The following DCHS2 variants were observed in gnomAD, a reference collection of about 807,000 sequenced individuals.
DCHS2 encodes the protein protocadherin-23.
DCHS2 carries 142 observed loss-of-function variants against 182.4 expected under a neutral mutation model. That is an observed-to-expected ratio of 0.78 (90% CI 0.68 to 0.89). The LOEUF (loss-of-function observed/expected upper bound fraction) is 0.89, where lower values mean the gene tolerates loss of function less well. Among genes scored for constraint, DCHS2 ranks in the 40% least tolerant of loss-of-function variants. DCHS2 has a pLI of 0.00. For synonymous variants in DCHS2, 1,740 were observed against 1,663.3 expected, an observed-to-expected ratio of 1.05 and a Z score of -1.12; for missense variants, 4,319 against 4,198.6, an observed-to-expected ratio of 1.03 and a Z score of -0.79.
chr4:154,452,139 T>G (rs1734561068), intron 1 of DCHS2, among the ~76,000 whole-genome samples: 1 of 152,230 alleles, frequency 6.6e-6, no homozygotes, highest in African/African-American at 2.4e-5. Context: ...CATCATGGGT[T>G]TGTGCCCATG....
At chr4:154,256,379 C>G (rs919085551) in intron 15 of DCHS2, among the ~76,000 whole-genome samples, 9 of 152,118 alleles carry the variant, frequency 5.9e-5, no homozygotes, top group African/African-American at 1.9e-4. Flanking sequence ...AAGCGATCCA[C>G]CTGCATCAGC....
At chr4:154,431,152 G>C (rs1192867074) in intron 1 of DCHS2, among the ~76,000 whole-genome samples, 1 of 152,098 alleles carries the variant, frequency 6.6e-6, no homozygotes, top group Non-Finnish European at 1.5e-5. Flanking sequence ...GATCAGTTTA[G>C]GGCAGCATTA....
intron 2 of DCHS2, chr4:154,373,999 T>C (rs781759746): frequency 3.2e-5 from 26 of 824,638 alleles, no homozygotes; most frequent in African/African-American, 1.5e-4. Flanking sequence ...GATATTTTAA[T>C]AGCAAAAAAA....
chr4:154,241,945 A>G (rs999691377), intron 17 of DCHS2, among the ~76,000 whole-genome samples: 5 of 152,182 alleles, frequency 3.3e-5, no homozygotes, highest in Admixed American at 3.3e-4. Context: ...TGTTAGAAAC[A>G]TTTTAGGAAT....
At chr4:154,382,499 C>T (rs575791398) in intron 1 of DCHS2, among the ~76,000 whole-genome samples, 186 of 152,006 alleles carry the variant, frequency 1.2e-3, no homozygotes, top group African/African-American at 4.2e-3. Context: ...CAAGTGGAAT[C>T]GAATTAAACT....
chr4:154,266,711 G>A (rs376204631), intron 14 of DCHS2, among the ~76,000 whole-genome samples: 2 of 151,828 alleles, frequency 1.3e-5, no homozygotes, highest in East Asian at 1.9e-4. Flanking sequence ...TGGTACAGAG[G>A]TTATAATCCT....
intron 3 of DCHS2, among the ~76,000 whole-genome samples, chr4:154,339,733 G>A (rs946439294): frequency 6.6e-5 from 10 of 151,994 alleles, no homozygotes; most frequent in Admixed American, 3.3e-4. Context: ...AGGTGTGAGC[G>A]ACCGCGCCCA....
chr4:154,372,667 T>A (rs534475297), intron 2 of DCHS2, among the ~76,000 whole-genome samples: 1 of 152,312 alleles, frequency 6.6e-6, no homozygotes, highest in South Asian at 2.1e-4. Flanking sequence ...CATGGAATAA[T>A]TAAATTGTAG....
At chr4:154,330,875 T>C (rs1736491556) in intron 5 of DCHS2, among the ~76,000 whole-genome samples, 1 of 152,172 alleles carries the variant, frequency 6.6e-6, no homozygotes, top group Non-Finnish European at 1.5e-5. Flanking sequence ...ATAATTCTCC[T>C]CCGAAGACCT....
intron 14 of DCHS2, among the ~76,000 whole-genome samples, chr4:154,265,791 AAAGG>A (rs1733224330): frequency 6.6e-6 from 1 of 152,200 alleles, no homozygotes; most frequent in Admixed American, 6.5e-5. Flanking sequence ...AGAGATATAA[AAAGG>A]AAGGGGCACA....
Position 154,400,268 on chromosome 4 carries a change from A to T in DCHS2, c.2053-22824T>A, listed in dbSNP as rs183865841. 5.3e-3 allele frequency among the ~76,000 whole-genome samples: 697 copies of T among 132,542 alleles called. 5 individuals are homozygous for T. The highest frequency in any genetic ancestry group is 0.018 in the African/African-American group (665 of 36,890). The allele number at this position is 132,542 out of a possible 152,430, so 87.0% of individuals were successfully genotyped here. On this transcript the variant is annotated intron_variant, in intron 1 of 19. Transcript: ENST00000357232. Reference sequence around the variant, plus strand: ...CAGGGAGCCGAGATTGCGCCACTGCACTCCAGCCTGGGCAACAGAGCGAGA... The same window carrying T: ...CAGGGAGCCGAGATTGCGCCACTGCTCTCCAGCCTGGGCAACAGAGCGAGA...
chr4:154,416,590 A>G (rs1732841477), intron 1 of DCHS2, among the ~76,000 whole-genome samples: 4 of 152,132 alleles, frequency 2.6e-5, no homozygotes, highest in Non-Finnish European at 5.9e-5. Context: ...TGACATCTCA[A>G]GACTTGAGAC....
chr4:154,389,536 A>ATATATATATATATATATAT (rs1485000004), intron 1 of DCHS2, among the ~76,000 whole-genome samples: 49 of 144,478 alleles, frequency 3.4e-4, no homozygotes, highest in South Asian at 6.8e-4. Context: ...ATATATATAT[A>ATATATATATATATATATAT]ACCTTTTTTT....
chr4:154,373,332 T>G (rs1398076796), intron 2 of DCHS2, among the ~76,000 whole-genome samples: 1 of 152,318 alleles, frequency 6.6e-6, no homozygotes, highest in East Asian at 1.9e-4. Flanking sequence ...GAAGTCACCC[T>G]GTAAAAACTC....
rs534483789 is a variant in DCHS2, at chr4:154,316,459, A to AT, written c.5021-473dup. On this transcript the variant is annotated intron_variant, in intron 9 of 19. Transcript: ENST00000357232. ...TTAATATTTATTCTCAGTTAACTGG[A>AT]TTTTTTTTAACAATAAAGAGCAGGC... Among the ~76,000 whole-genome samples, 161 of 152,104 alleles carry AT rather than the reference A, an allele frequency of 1.1e-3. 2 individuals carry two copies. Among genetic ancestry groups the AT allele is most frequent in the Middle Eastern group, 3.4e-3 (1 of 294 alleles).
intron 1 of DCHS2, among the ~76,000 whole-genome samples, chr4:154,415,977 T>C (rs1732817866): frequency 6.6e-6 from 1 of 152,222 alleles, no homozygotes; most frequent in Admixed American, 6.5e-5. Context: ...ATTTCATGTA[T>C]ACATTCACAT....
At chr4:154,333,751 T>C (rs1728632205) in intron 4 of DCHS2, 1 of 495,264 alleles carries the variant, frequency 2.0e-6, no homozygotes, top group South Asian at 2.7e-5. Context: ...TGCAGGTTTG[T>C]AGCCTAGGAG....
Position 154,338,484 on chromosome 4 carries a change from T to C in DCHS2, c.2477-3380A>G, listed in dbSNP as rs1236131675. On this transcript the variant is annotated intron_variant, in intron 3 of 19. Transcript: ENST00000357232. ...CCTCATTTTTACCTCTCTGTTTTCC[T>C]AAAATATTTAAGTGATAATACCCAG... is the stretch of plus-strand genomic sequence containing the variant. Among the ~76,000 whole-genome samples the C allele has an allele frequency of 2.6e-5, 4 of 152,216 alleles. No individual in the cohort carries two copies. In the East Asian group the frequency reaches 7.7e-4, roughly 29 times the overall value.
intron 16 of DCHS2, among the ~76,000 whole-genome samples, chr4:154,245,247 T>C (rs577745320): frequency 2.0e-5 from 3 of 152,322 alleles, no homozygotes; most frequent in Non-Finnish European, 4.4e-5. Flanking sequence ...CTGTTGGTTG[T>C]AGCCTGTCCA....
Sources: gnomAD v4.1 joint callset for allele counts (sites outside exome capture counted in the v4.1 genomes callset) on GRCh38, gnomAD v4.1.1 for gene constraint, MANE v1.5 for transcripts, NCBI Gene and HGNC (gene_info 2026-07-23, HGNC 2026-07-21) for gene names.